PDE3B: variants seen among roughly 807,000 people sequenced by gnomAD.
PDE3B encodes the protein phosphodiesterase 3B, also known as cGMP-inhibited 3',5'-cyclic phosphodiesterase 3B.
In PDE3B, 66 loss-of-function variants were observed where a neutral mutation model predicts 116.8. That is an observed-to-expected ratio of 0.56 (90% CI 0.46 to 0.69). PDE3B has a LOEUF of 0.69. Ranked by LOEUF, PDE3B falls within the 30% of genes least tolerant of loss-of-function variation. PDE3B has a pLI of 0.00. For synonymous variants in PDE3B, 595 were observed against 533.6 expected (o/e 1.12, Z -1.59); for missense variants, 1,384 against 1,368.1 (o/e 1.01, Z -0.18).
At chr11:14,687,176 G>T (rs1008661749) in intron 1 of PDE3B, among the ~76,000 whole-genome samples, 1 of 152,104 alleles carries the variant, frequency 6.6e-6, no homozygotes, top group Non-Finnish European at 1.5e-5. Flanking sequence ...TTGAACAAAA[G>T]TTAAGATAAT....
At chr11:14,886,131 TCA>T in the PDE3B span, 4 of 569,072 alleles carry the variant, frequency 7.0e-6, no homozygotes, top group African/African-American at 3.7e-5. Flanking sequence ...GTGCCTAAAG[TCA>T]CAGTCTTACC....
At chr11:14,815,371 C>T (rs1419223947) in intron 5 of PDE3B, among the ~76,000 whole-genome samples, 1 of 152,158 alleles carries the variant, frequency 6.6e-6, no homozygotes, top group Non-Finnish European at 1.5e-5. Flanking sequence ...CTACCTTGTT[C>T]TCATCTGGAG....
chr11:14,820,593 G>C (rs1325544581), intron 7 of PDE3B, among the ~76,000 whole-genome samples: 1 of 152,146 alleles, frequency 6.6e-6, no homozygotes, highest in African/African-American at 2.4e-5. Flanking sequence ...CTGGATGTTT[G>C]TGTTCCTCCA....
chr11:14,861,429 G>A, intron 14 of PDE3B, 63 bp downstream of exon 14: 3 of 1,457,764 alleles, frequency 2.1e-6, no homozygotes, highest in South Asian at 2.4e-5. Flanking sequence ...ACTACTCTTT[G>A]GGTTTTGGAT....
In PDE3B at chr11:14,861,108, C is replaced by G. The variant is rs536351223; in HGVS notation, c.2725-97C>G. 49 of 869,324 alleles carry G rather than the reference C, an allele frequency of 5.6e-5. No homozygotes were observed. In the South Asian group the frequency reaches 7.9e-4, roughly 14 times the overall value. 53.9% of individuals were successfully genotyped at this position (869,324 alleles called of 1,614,324 possible). A position where few individuals can be genotyped will look rare whatever the true frequency, so the allele number is the denominator to read the frequency against. ...CTGAAATTTCTTTCTGTCATTTAGA[C>G]AGGAAACAGTTTTAAGATAATTTGG... is the stretch of plus-strand genomic sequence containing the variant. On this transcript the variant is annotated intron_variant, in intron 13 of 15. Coordinates refer to ENST00000282096, the MANE Select transcript of PDE3B (RefSeq NM_000922.4).
At chr11:14,809,131 A>G (rs988898081) in intron 5 of PDE3B, among the ~76,000 whole-genome samples, 3 of 152,232 alleles carry the variant, frequency 2.0e-5, no homozygotes, top group East Asian at 3.8e-4. Context: ...GTAATTTAGT[A>G]TGGTACTGGC....
At chr11:14,687,647 C>T (rs1240983966) in intron 1 of PDE3B, among the ~76,000 whole-genome samples, 1 of 152,110 alleles carries the variant, frequency 6.6e-6, no homozygotes, top group East Asian at 1.9e-4. Context: ...AACTTTCCAA[C>T]TGACCCATAA....
intron 1 of PDE3B, among the ~76,000 whole-genome samples, chr11:14,684,928 G>T (rs535279272): frequency 4.6e-5 from 7 of 151,752 alleles, no homozygotes; most frequent in Non-Finnish European, 8.8e-5. Context: ...TTTTTTCAAG[G>T]TGCACTGATT....
the PDE3B span, among the ~76,000 whole-genome samples, chr11:14,893,830 C>T: frequency 6.6e-6 from 1 of 152,174 alleles, no homozygotes; most frequent in Non-Finnish European, 1.5e-5. Context: ...GCCATGAAAC[C>T]TAACATATTC....
chr11:14,722,649 G>A (rs997395091), intron 1 of PDE3B, among the ~76,000 whole-genome samples: 6 of 152,118 alleles, frequency 3.9e-5, no homozygotes, highest in African/African-American at 9.7e-5. Flanking sequence ...CCATGTGAGC[G>A]AGCTGAGAAG....
chr11:14,856,792 T>G (rs1229326806), intron 12 of PDE3B, among the ~76,000 whole-genome samples: 5 of 151,056 alleles, frequency 3.3e-5, no homozygotes, highest in African/African-American at 9.8e-5. Flanking sequence ...AGGCAGAGCT[T>G]GCAGTGAGCT....
chr11:14,710,824 T>C (rs1855679661), intron 1 of PDE3B, among the ~76,000 whole-genome samples: 1 of 152,200 alleles, frequency 6.6e-6, no homozygotes, highest in Admixed American at 6.5e-5. Context: ...CTTTGTGAAC[T>C]AGTAAATGCT....
chr11:14,782,277 A>T (rs1456536640), intron 2 of PDE3B, among the ~76,000 whole-genome samples: 3 of 152,254 alleles, frequency 2.0e-5, no homozygotes, highest in Non-Finnish European at 4.4e-5. Context: ...TTCATGTGGA[A>T]CCAAAAAAGA....
At chr11:14,701,990 A>G (rs1240919656) in intron 1 of PDE3B, among the ~76,000 whole-genome samples, 1 of 150,816 alleles carries the variant, frequency 6.6e-6, no homozygotes, top group Non-Finnish European at 1.5e-5. Context: ...GGAAAAATTC[A>G]TGTGTGTGTT....
At chr11:14,852,908 A>T (rs781789046) in intron 12 of PDE3B, among the ~76,000 whole-genome samples, 11 of 152,210 alleles carry the variant, frequency 7.2e-5, no homozygotes, top group Non-Finnish European at 1.3e-4. Flanking sequence ...AAATAAAAAC[A>T]AAATAGTAAA....
Position 14,822,597 on chromosome 11 carries a change from C to T in PDE3B, c.1807+3388C>T, listed in dbSNP as rs1252146738. On this transcript the variant is annotated intron_variant, in intron 7 of 15. Coordinates refer to ENST00000282096, the MANE Select transcript of PDE3B (RefSeq NM_000922.4). ...TGCAACCCTTGAGTCAGGAGACCCTCCTCGTAAACCCACTGCACCAGGGCT... is the reference window on the plus strand; with the variant it reads ...TGCAACCCTTGAGTCAGGAGACCCTTCTCGTAAACCCACTGCACCAGGGCT... 2.6e-5 allele frequency among the ~76,000 whole-genome samples: 4 copies of T among 152,198 alleles called. 1 individual carries two copies. The highest frequency in any genetic ancestry group is 5.9e-5 in the Non-Finnish European group (4 of 68,048).
chr11:14,878,815 T>C, the PDE3B span, among the ~76,000 whole-genome samples: 1 of 152,116 alleles, frequency 6.6e-6, no homozygotes, highest in East Asian at 1.9e-4. Context: ...CCTCTCTGGG[T>C]CTCAGTTTCT....
chr11:14,727,120 C>A, intron 1 of PDE3B, among the ~76,000 whole-genome samples: 1 of 152,028 alleles, frequency 6.6e-6, no homozygotes, highest in East Asian at 1.9e-4. Context: ...CATTAGAGTC[C>A]TTGGTAAATG....
At chr11:14,892,279 C>G in the PDE3B span, 21 of 1,409,360 alleles carry the variant, frequency 1.5e-5, no homozygotes, top group African/African-American at 2.8e-4. Flanking sequence ...GCCATACTCC[C>G]ATTGGCAGGA....
Sources: gnomAD v4.1 joint callset for allele counts (sites outside exome capture counted in the v4.1 genomes callset) on GRCh38, gnomAD v4.1.1 for gene constraint, MANE v1.5 for transcripts, NCBI Gene and HGNC (gene_info 2026-07-23, HGNC 2026-07-21) for gene names.